The following ZNF341 variants were observed in gnomAD, a reference collection of about 807,000 sequenced individuals.
ZNF341 encodes zinc finger protein 341.
A neutral mutation model predicts 87.7 loss-of-function variants in ZNF341; 52 were observed. The observed-to-expected ratio is 0.59, with a 90% confidence interval of 0.47 to 0.75. The LOEUF is 0.75. ZNF341 is among the 30% of genes least tolerant of loss of function. The pLI, the probability that ZNF341 is intolerant of heterozygous loss-of-function variation, is 0.00. For synonymous variants in ZNF341, 459 were observed against 472.7 expected (o/e 0.97, Z 0.38); for missense variants, 977 against 1,145.9 (o/e 0.85, Z 2.13).
chr20:33,744,041 G>A (rs772606316), intron 2 of ZNF341, among the ~76,000 whole-genome samples: 2 of 152,182 alleles, frequency 1.3e-5, no homozygotes, highest in African/African-American at 4.8e-5. Context: ...CAGCACTTTG[G>A]GAGGCTGAGG....
At chr20:33,774,105 C>A (rs1335497806) in intron 10 of ZNF341, among the ~76,000 whole-genome samples, 2 of 135,868 alleles carry the variant, frequency 1.5e-5, no homozygotes, top group Non-Finnish European at 3.1e-5. Flanking sequence ...CACAGTGAAA[C>A]CCTGTCTCTA....
In ZNF341 at chr20:33,791,403, A is replaced by G; in HGVS notation, c.2451A>G (p.Val817=). 1 of 1,612,398 alleles carries G rather than the reference A, an allele frequency of 6.2e-7. No homozygotes were observed. The highest frequency in any genetic ancestry group is 1.3e-5 in the African/African-American group (1 of 75,042). Reference sequence around the variant, plus strand: ...TGGGCGCGGAAACTGAGCTGGTGGTACCTGGACACGCTGAGGGGCTGGGCT... The same window carrying G: ...TGGGCGCGGAAACTGAGCTGGTGGTGCCTGGACACGCTGAGGGGCTGGGCT... ...GAVGAETELV[V]PGHAEGLGSN... is the part of the protein sequence containing the mutation. The change falls in exon 15 of 15, where the codon GTA becomes GTG. Residue 817 remains valine (V), a synonymous_variant. Transcript: ENST00000375200.
Position 33,783,878 on chromosome 20 carries a change from C to T in ZNF341, c.1852+14C>T. 3 of 1,610,138 alleles carry T rather than the reference C, an allele frequency of 1.9e-6. No homozygotes were observed. The highest frequency in any genetic ancestry group is 2.5e-6 in the Non-Finnish European group (3 of 1,177,832). ...ACATCCACTCGGGTAGGTACCCTGCCCCTGAGAACTCCAGCCCAGCCCCTC... is the reference window on the plus strand; with the variant it reads ...ACATCCACTCGGGTAGGTACCCTGCTCCTGAGAACTCCAGCCCAGCCCCTC... On this transcript the variant is annotated intron_variant, in intron 12 of 14. Transcript: ENST00000375200.
chr20:33,790,771 A>C (rs1278498216), intron 14 of ZNF341, among the ~76,000 whole-genome samples: 1 of 152,166 alleles, frequency 6.6e-6, no homozygotes, highest in African/African-American at 2.4e-5. Context: ...GCAAGTACAA[A>C]GGCGCAGAGG....
chr20:33,790,656 C>T (rs970016543), intron 14 of ZNF341, among the ~76,000 whole-genome samples: 6 of 152,138 alleles, frequency 3.9e-5, no homozygotes, highest in Non-Finnish European at 8.8e-5. Context: ...TGCCATGTTC[C>T]TGTGGGTGGC....
Position 33,766,981 on chromosome 20 carries a change from C to G in ZNF341, c.1353C>G (p.Pro451=), listed in dbSNP as rs772341778. Residue 451 remains proline, a synonymous_variant, in exon 9 of 15, where the codon CCC becomes CCG. Transcript: ENST00000375200. ...IDSSYLCQFC[P]SKFSTYFQLK... The stretch of plus-strand genomic sequence containing the variant: ...GCTCCTACCTGTGCCAATTCTGCCC[C>G]AGCAAATTCAGCACCTACTTCCAGC... The G allele has an allele frequency of 1.9e-6, 3 of 1,614,204 alleles. No individual in the cohort carries two copies. The highest frequency in any genetic ancestry group is 2.5e-6 in the Non-Finnish European group (3 of 1,180,038).
At chr20:33,780,131 A>G (rs1196707472) in intron 10 of ZNF341, among the ~76,000 whole-genome samples, 1 of 152,036 alleles carries the variant, frequency 6.6e-6, no homozygotes, top group Non-Finnish European at 1.5e-5. Flanking sequence ...GTGACATTTG[A>G]GCTGAGATAT....
intron 1 of ZNF341, among the ~76,000 whole-genome samples, chr20:33,737,646 T>G (rs557713067): frequency 7.9e-5 from 12 of 152,074 alleles, no homozygotes; most frequent in African/African-American, 2.4e-4. Flanking sequence ...TCAAAGATAG[T>G]TTGGGGGACA....
intron 12 of ZNF341, among the ~76,000 whole-genome samples, chr20:33,786,027 CTTTTTT>C (rs11478588): frequency 1.5e-5 from 1 of 68,680 alleles, no homozygotes; most frequent in Non-Finnish European, 2.5e-5. Context: ...ATGTATGAAC[CTTTTTT>C]TTTTTTTTTT....
chr20:33,778,737 C>T (rs2019677444), intron 10 of ZNF341, among the ~76,000 whole-genome samples: 1 of 152,340 alleles, frequency 6.6e-6, no homozygotes, highest in South Asian at 2.1e-4. Context: ...ACACAGCCTG[C>T]CTTTTGGTTT....
At position 33,732,799 on chromosome 20, in the gene ZNF341, G is replaced by T. The variant is rs570890442; in HGVS notation, c.31+747G>T. ...TTGGTGCTCAGGCTCAAAACTGTGGGCTTTGGAGACAGCAAACACTGAGCA... is the reference window on the plus strand; with the variant it reads ...TTGGTGCTCAGGCTCAAAACTGTGGTCTTTGGAGACAGCAAACACTGAGCA... On this transcript the variant is annotated intron_variant, in intron 1 of 14. Coordinates refer to ENST00000375200, the MANE Select transcript of ZNF341 (RefSeq NM_001282933.2). This position sits in a 1 kb window ranked among gnomAD's most constrained non-coding sequence, Gnocchi z 4.5. 6.6e-6 allele frequency among the ~76,000 whole-genome samples: 1 copy of T among 152,338 alleles called. No homozygotes were observed. Among genetic ancestry groups the T allele is most frequent in the South Asian group, 2.1e-4 (1 of 4,830 alleles).
chr20:33,753,458 G>C (rs759460948), intron 5 of ZNF341, 35 bp downstream of exon 5: 2 of 1,536,640 alleles, frequency 1.3e-6, no homozygotes, highest in Non-Finnish European at 1.8e-6. Flanking sequence ...GAGGACACTG[G>C]TCATGGACAT....
At chr20:33,789,026 G>A in intron 13 of ZNF341, 52 bp downstream of exon 13, 1 of 1,434,818 alleles carries the variant, frequency 7.0e-7, no homozygotes, top group Non-Finnish European at 9.7e-7. Context: ...GATTCTCCAG[G>A]GGTGCTGCTG....
intron 12 of ZNF341, 145 bp downstream of exon 12, chr20:33,784,009 T>G: frequency 1.4e-6 from 1 of 697,854 alleles, no homozygotes. Flanking sequence ...TCCATCTCCC[T>G]CCCCATCTCA....
In ZNF341 at chr20:33,791,598, T is replaced by C; in HGVS notation, c.*81T>C. The stretch of plus-strand genomic sequence containing the variant: ...GCCCCTGGGGGCAGACCGGTGATCC[T>C]TACCAGTGGAAGCGAGCCATCGAGC... On this transcript the variant is annotated 3_prime_UTR_variant, in exon 15 of 15. Transcript: ENST00000375200. 7.2e-7 allele frequency: 1 copy of C among 1,398,098 alleles called. No homozygotes were observed. Among genetic ancestry groups the C allele is most frequent in the Non-Finnish European group, 9.4e-7 (1 of 1,064,002 alleles). The allele number at this position is 1,398,098 out of a possible 1,614,324, so 86.6% of individuals were successfully genotyped here.
At chr20:33,775,168 A>G (rs1265841663) in intron 10 of ZNF341, among the ~76,000 whole-genome samples, 1 of 151,652 alleles carries the variant, frequency 6.6e-6, no homozygotes, top group African/African-American at 2.4e-5. Flanking sequence ...GCTCTTTTCT[A>G]AGTTCCTAGA....
chr20:33,741,076 C>G, intron 2 of ZNF341, 64 bp downstream of exon 2: 1 of 1,474,470 alleles, frequency 6.8e-7, no homozygotes, highest in Non-Finnish European at 9.5e-7. Context: ...GTAGGTGGAG[C>G]TTGTGCTGGG....
chr20:33,736,636 C>T (rs767928112), intron 1 of ZNF341, among the ~76,000 whole-genome samples: 6 of 152,088 alleles, frequency 3.9e-5, no homozygotes, highest in Admixed American at 1.3e-4. Context: ...ACTACAGGTG[C>T]GTGCCTCCAC....
chr20:33,783,742 G>T lies in ZNF341; in HGVS notation c.1730G>T (p.Cys577Phe), dbSNP rs778714727. Residue 577 changes from cysteine (C) to phenylalanine (F), a missense_variant, in exon 12 of 15, where the codon TGT becomes TTT. Physicochemically the swap from Cys to Phe is radical, Grantham distance 205. This residue lies in a region of ZNF341 where 241 missense variants were observed against 335.0 expected (regional missense o/e 0.72). Transcript: ENST00000375200. Reference protein sequence around the residue: ...PCPHCQKVFPCERYLRRHLPT... With the variant: ...PCPHCQKVFPFERYLRRHLPT... ...CCTCTTCTCTCCCAGGTGTTTCCTT[G>T]TGAACGCTACCTGCGGCGTCATCTG... 54 of 1,613,738 alleles carry T rather than the reference G, an allele frequency of 3.3e-5. No homozygotes were observed. Among genetic ancestry groups the T allele is most frequent in the Non-Finnish European group, 4.3e-5 (51 of 1,179,888 alleles).
Sources: allele counts gnomAD v4.1 joint callset (sites outside exome capture counted in the v4.1 genomes callset), GRCh38; gene constraint gnomAD v4.1.1; regional missense constraint gnomAD v4.1.1; non-coding constraint Gnocchi (gnomAD v3.1); transcripts MANE v1.5; gene names NCBI Gene and HGNC (gene_info 2026-07-23, HGNC 2026-07-21).